Variants in SOX6 observed in about 807,000 individuals in gnomAD.
SOX6 encodes SRY-box transcription factor 6.
SOX6 carries 11 observed loss-of-function variants against 97.8 expected under a neutral mutation model. The observed-to-expected ratio is 0.11, with a 90% CI of 0.07 to 0.19. The LOEUF is 0.19. Ranked by LOEUF, SOX6 falls within the 10% of genes least tolerant of loss-of-function variation. The pLI is 1.00. For missense variants in SOX6, 810 were observed against 1,039.5 expected (o/e 0.78, Z 3.04); for synonymous variants, 360 against 371.4 (o/e 0.97, Z 0.35).
At chr11:16,657,005 T>C (rs940294858) in intron 3 of SOX6, among the ~76,000 whole-genome samples, 1 of 152,240 alleles carries the variant, frequency 6.6e-6, no homozygotes, top group Admixed American at 6.5e-5. Context: ...GAGTTTACTG[T>C]ATGTTCTACA....
intron 3 of SOX6, among the ~76,000 whole-genome samples, chr11:16,692,957 T>C (rs1848027363): frequency 6.6e-6 from 1 of 152,232 alleles, no homozygotes; most frequent in South Asian, 2.1e-4. Flanking sequence ...AGTCAAATAC[T>C]GGCACTTTCA....
intron 2 of SOX6, among the ~76,000 whole-genome samples, chr11:16,733,106 G>C (rs749854692): frequency 6.6e-6 from 1 of 152,224 alleles, no homozygotes. Context: ...TGGAGAAATA[G>C]GAACGCTTTT....
intron 1 of SOX6, among the ~76,000 whole-genome samples, chr11:16,404,232 C>G (rs191741173): frequency 7.2e-4 from 109 of 151,878 alleles, no homozygotes; most frequent in Middle Eastern, 3.4e-3. Context: ...TAAATAAGAC[C>G]TCTTGCTTCA....
Position 16,132,421 on chromosome 11 carries a change from G to GAA in SOX6, c.778-20500_778-20499dup, listed in dbSNP as rs1564972474. On this transcript the variant is annotated intron_variant, in intron 6 of 15. Coordinates refer to ENST00000683767, the MANE Select transcript of SOX6 (RefSeq NM_001367873.1). ...AAGAAAAAAGAAAGAAAGAAAGAAAGAAAGAAAGAAAGAAAGAAAGAAAAA... is the reference window on the plus strand; with the variant it reads ...AAGAAAAAAGAAAGAAAGAAAGAAAGAAAAAGAAAGAAAGAAAGAAAGAAAAA... Among the ~76,000 whole-genome samples the GAA allele has an allele frequency of 2.1e-4, 20 of 95,628 alleles. 1 individual carries two copies. Among genetic ancestry groups the GAA allele is most frequent in the African/African-American group, 8.7e-4 (18 of 20,572 alleles). The allele number at this position is 95,628 out of a possible 152,430, so 62.7% of individuals were successfully genotyped here. A position where few individuals can be genotyped will look rare whatever the true frequency, so the allele number is the denominator to read the frequency against.
At chr11:16,464,931 C>T (rs926960298) in intron 1 of SOX6, among the ~76,000 whole-genome samples, 42 of 152,198 alleles carry the variant, frequency 2.8e-4, no homozygotes, top group African/African-American at 7.5e-4. Flanking sequence ...TTGTCTGATC[C>T]GAACAAGTAT....
intron 3 of SOX6, among the ~76,000 whole-genome samples, chr11:16,697,795 C>T (rs1848065301): frequency 6.6e-6 from 1 of 152,192 alleles, no homozygotes; most frequent in Non-Finnish European, 1.5e-5. Context: ...TCTCCATGAA[C>T]ATCTCCATCA....
chr11:16,259,768 T>C (rs943170630), intron 3 of SOX6, among the ~76,000 whole-genome samples: 1 of 152,004 alleles, frequency 6.6e-6, no homozygotes, highest in African/African-American at 2.4e-5. Flanking sequence ...GGGGTTATGA[T>C]TGGGAGGGAG....
intron 3 of SOX6, among the ~76,000 whole-genome samples, chr11:16,299,913 G>C (rs1975299): frequency 0.15 from 23,002 of 152,140 alleles, 1,920 homozygotes; most frequent in Middle Eastern, 0.2. Flanking sequence ...ATTGCTTACA[G>C]TAATACACAG....
At chr11:16,105,889 C>T (rs1016282414) in intron 7 of SOX6, among the ~76,000 whole-genome samples, 5 of 152,076 alleles carry the variant, frequency 3.3e-5, no homozygotes, top group African/African-American at 9.7e-5. Context: ...CAAGTATCAG[C>T]TGTGTTTCTA....
intron 3 of SOX6, among the ~76,000 whole-genome samples, chr11:16,308,122 A>G (rs1228772738): frequency 4.6e-5 from 7 of 152,186 alleles, no homozygotes; most frequent in East Asian, 1.9e-4. Context: ...CTGGACAATG[A>G]CAGTTTCAGA....
chr11:16,628,100 T>A (rs968454352), intron 3 of SOX6, among the ~76,000 whole-genome samples: 3 of 152,148 alleles, frequency 2.0e-5, no homozygotes, highest in African/African-American at 7.2e-5. Flanking sequence ...GATCAGATGG[T>A]TGTAGGTATG....
At chr11:16,559,243 CTCTT>C (rs1847781844) in intron 4 of SOX6, among the ~76,000 whole-genome samples, 1 of 152,094 alleles carries the variant, frequency 6.6e-6, no homozygotes. Context: ...GTATCTGAAA[CTCTT>C]TCAAACATCA....
At chr11:16,473,036 C>T (rs1024262867) in intron 1 of SOX6, among the ~76,000 whole-genome samples, 11 of 152,224 alleles carry the variant, frequency 7.2e-5, no homozygotes, top group African/African-American at 1.9e-4. Flanking sequence ...CTCTATAGCA[C>T]TTCTATATAA....
At chr11:16,139,186 C>G (rs1210408848) in intron 6 of SOX6, among the ~76,000 whole-genome samples, 4 of 152,148 alleles carry the variant, frequency 2.6e-5, no homozygotes, top group African/African-American at 9.7e-5. Flanking sequence ...GTTTTTTCCA[C>G]TATCGTGTTA....
chr11:16,633,881 C>T (rs1848746836), intron 3 of SOX6, among the ~76,000 whole-genome samples: 1 of 152,126 alleles, frequency 6.6e-6, no homozygotes, highest in South Asian at 2.1e-4. Context: ...AAGCTAATTG[C>T]CTTATAAAAT....
chr11:16,736,567 T>G (rs1848392601), intron 1 of SOX6: 1 of 152,346 alleles, frequency 6.6e-6, no homozygotes, highest in South Asian at 2.1e-4. Context: ...ACTACTATTC[T>G]TATTGACAAT....
chr11:16,079,189 G>T (rs72866370), intron 9 of SOX6, among the ~76,000 whole-genome samples: 44 of 152,194 alleles, frequency 2.9e-4, no homozygotes, highest in Non-Finnish European at 5.9e-4. Flanking sequence ...AATGTACACT[G>T]CCCAGCTTCT....
intron 4 of SOX6, among the ~76,000 whole-genome samples, chr11:16,596,490 T>C (rs1848214360): frequency 6.6e-6 from 1 of 152,164 alleles, no homozygotes; most frequent in Non-Finnish European, 1.5e-5. Context: ...CTGTCAAATG[T>C]TCCCCCATGT....
chr11:16,398,439 G>A (rs192980498), intron 1 of SOX6, among the ~76,000 whole-genome samples: 4 of 151,446 alleles, frequency 2.6e-5, no homozygotes, highest in Non-Finnish European at 4.4e-5. Flanking sequence ...TCATCGTACC[G>A]GGTGTGGGGC....
Sources: allele counts gnomAD v4.1 joint callset (sites outside exome capture counted in the v4.1 genomes callset), GRCh38; gene constraint gnomAD v4.1.1; transcripts MANE v1.5; gene names NCBI Gene and HGNC (gene_info 2026-07-23, HGNC 2026-07-21).